Variants in LIPC observed in about 807,000 individuals in gnomAD.
The protein encoded by LIPC is lipase C, hepatic type.
Under a neutral mutation model 50.7 loss-of-function variants are expected in LIPC, and 44 were observed. The observed-to-expected ratio is 0.87, with a 90% CI of 0.68 to 1.11. LIPC has a LOEUF of 1.11. Among genes scored for constraint, LIPC ranks in the 50% most tolerant of loss-of-function variants. LIPC has a pLI of 0.00. For synonymous variants in LIPC, 271 were observed against 256.4 expected (o/e 1.06, Z -0.54); for missense variants, 697 against 648.2 (o/e 1.08, Z -0.82).
At chr15:58,510,500 A>C (rs1892295541) in intron 1 of LIPC, among the ~76,000 whole-genome samples, 2 of 152,256 alleles carry the variant, frequency 1.3e-5, no homozygotes, top group Non-Finnish European at 2.9e-5. Context: ...GTTTTCTTAC[A>C]AAGTAACAAA....
At chr15:58,495,455 G>C (rs1309587335) in intron 1 of LIPC, among the ~76,000 whole-genome samples, 2 of 152,092 alleles carry the variant, frequency 1.3e-5, no homozygotes, top group African/African-American at 4.8e-5. Context: ...CTAGGCATTG[G>C]GTGTGAAACC....
rs1566928258 is a variant in LIPC, at chr15:58,493,626, TAAA to T, written c.89-44705_89-44703del. On this transcript the variant is annotated intron_variant, in intron 1 of 8. Coordinates refer to ENST00000299022, the MANE Select transcript of LIPC (RefSeq NM_000236.3). ...TTATACAAAATTTATTACGTATAAA[TAAA>T]ATTTATACAAAATTTATTACGTATA... Among the ~76,000 whole-genome samples, 3 of 145,636 alleles carry T rather than the reference TAAA, an allele frequency of 2.1e-5. 1 individual carries two copies. Among genetic ancestry groups the T allele is most frequent in the Non-Finnish European group, 4.5e-5 (3 of 65,942 alleles).
At chr15:58,507,336 G>T (rs1437326419) in intron 1 of LIPC, among the ~76,000 whole-genome samples, 1 of 151,828 alleles carries the variant, frequency 6.6e-6, no homozygotes, top group Non-Finnish European at 1.5e-5. Flanking sequence ...GGGAGAGGAG[G>T]AGGGAAGGAA....
At chr15:58,543,607 T>C (rs1459372034) in intron 4 of LIPC, among the ~76,000 whole-genome samples, 1 of 152,110 alleles carries the variant, frequency 6.6e-6, no homozygotes, top group Non-Finnish European at 1.5e-5. Flanking sequence ...ATAACAAAGT[T>C]GTTGCGAATT....
chr15:58,476,693 ACT>A (rs1891010928), intron 1 of LIPC, among the ~76,000 whole-genome samples: 1 of 151,982 alleles, frequency 6.6e-6, no homozygotes, highest in Non-Finnish European at 1.5e-5. Flanking sequence ...AGAAGCCCTG[ACT>A]CTGCCAGGTG....
At chr15:58,567,583 C>T (rs541073688) in intron 8 of LIPC, among the ~76,000 whole-genome samples, 1 of 151,770 alleles carries the variant, frequency 6.6e-6, no homozygotes, top group South Asian at 2.1e-4. Flanking sequence ...AAATACTATA[C>T]ATAATAAGTA....
intron 1 of LIPC, among the ~76,000 whole-genome samples, chr15:58,437,442 G>A (rs1315749913): frequency 5.9e-5 from 9 of 152,114 alleles, no homozygotes; most frequent in Admixed American, 2.6e-4. Context: ...TGAAAACACT[G>A]TAGACACATG....
At chr15:58,489,375 CGCAGAA>C (rs1160637549) in intron 1 of LIPC, among the ~76,000 whole-genome samples, 1 of 152,096 alleles carries the variant, frequency 6.6e-6, no homozygotes. Context: ...AAGCCAGCTA[CGCAGAA>C]GACAGTTATT....
intron 1 of LIPC, chr15:58,522,463 A>T (rs1257159184): frequency 6.6e-6 from 1 of 152,408 alleles, no homozygotes; most frequent in Non-Finnish European, 1.5e-5. Flanking sequence ...ATCCAGACAC[A>T]CTGGAGCCTT....
chr15:58,453,733 T>C (rs1479887396), intron 1 of LIPC, among the ~76,000 whole-genome samples: 1 of 151,644 alleles, frequency 6.6e-6, no homozygotes, highest in Non-Finnish European at 1.5e-5. Flanking sequence ...AAATCCCAAC[T>C]ACTAAAAGTA....
At chr15:58,543,133 A>T (rs1893395324) in intron 4 of LIPC, among the ~76,000 whole-genome samples, 1 of 152,038 alleles carries the variant, frequency 6.6e-6, no homozygotes, top group Non-Finnish European at 1.5e-5. Flanking sequence ...CTTCACCCCA[A>T]ACTCCATACA....
At position 58,472,563 on chromosome 15, in the gene LIPC, G is replaced by A. The variant is rs866714124; in HGVS notation, c.88+40443G>A. On this transcript the variant is annotated intron_variant, in intron 1 of 8. Transcript: ENST00000299022. ...TGCACTCCAGCCTGGGCAAGAGAGT[G>A]AGACTCTTGTCTCAAAAAAAAAAAA... Among the ~76,000 whole-genome samples, 12 of 133,126 alleles carry A rather than the reference G, an allele frequency of 9.0e-5. No individual in the cohort carries two copies. The South Asian group carries it at 3.0e-3, about 33-fold the overall frequency. The allele number at this position is 133,126 out of a possible 152,430, so 87.3% of individuals were successfully genotyped here.
intron 1 of LIPC, among the ~76,000 whole-genome samples, chr15:58,488,696 T>G (rs1891462561): frequency 6.6e-6 from 1 of 151,952 alleles, no homozygotes; most frequent in East Asian, 1.9e-4. Flanking sequence ...AGTTTAGGAG[T>G]GAAGAAATCC....
chr15:58,491,691 G>A (rs1259441270), intron 1 of LIPC, among the ~76,000 whole-genome samples: 1 of 152,200 alleles, frequency 6.6e-6, no homozygotes, highest in Non-Finnish European at 1.5e-5. Context: ...TTCAGTGTGT[G>A]GTAAAACTTC....
chr15:58,441,716 C>T lies in LIPC; in HGVS notation c.88+9596C>T, dbSNP rs577612219. ...GGAGTCCAATTCAATGATTCGGCAT[C>T]ATAATAATTTAATAGTTATCACTAA... On this transcript the variant is annotated intron_variant, in intron 1 of 8. Coordinates refer to ENST00000299022, the MANE Select transcript of LIPC (RefSeq NM_000236.3). Among the ~76,000 whole-genome samples, 390 of 152,246 alleles carry T rather than the reference C, an allele frequency of 2.6e-3. 5 individuals carry two copies. Among genetic ancestry groups the T allele is most frequent in the African/African-American group, 9.2e-3 (381 of 41,528 alleles).
In LIPC at chr15:58,560,937, A is replaced by G. The variant is rs781111894; in HGVS notation, c.1125A>G (p.Ser375=). The change falls in exon 7 of 9, where the codon TCA becomes TCG. Residue 375 remains serine, a synonymous_variant. Transcript: ENST00000299022. ...CAATACAAACAACTTTTACCATGTCACTACTCGGAACAAAAGAGAAAATGC... is the reference window on the plus strand; with the variant it reads ...CAATACAAACAACTTTTACCATGTCGCTACTCGGAACAAAAGAGAAAATGC... The part of the protein sequence containing the change: ...ETPIQTTFTM[S]LLGTKEKMQK... 1.3e-6 allele frequency: 2 copies of G among 1,573,098 alleles called. No homozygotes were observed. Among genetic ancestry groups the G allele is most frequent in the Admixed American group, 3.3e-5 (2 of 59,968 alleles).
chr15:58,548,835 A>C (rs1414577647), intron 6 of LIPC, among the ~76,000 whole-genome samples: 2 of 152,032 alleles, frequency 1.3e-5, no homozygotes, highest in African/African-American at 2.4e-5. Flanking sequence ...GTCCATTTTC[A>C]TGCTCCCCTA....
intron 1 of LIPC, among the ~76,000 whole-genome samples, chr15:58,518,282 A>C (rs1892543835): frequency 6.6e-6 from 1 of 152,112 alleles, no homozygotes; most frequent in South Asian, 2.1e-4. Context: ...GAGCAAACTT[A>C]CCCCTCAGTT....
At chr15:58,508,667 G>T (rs1437863797) in intron 1 of LIPC, among the ~76,000 whole-genome samples, 1 of 152,144 alleles carries the variant, frequency 6.6e-6, no homozygotes, top group Non-Finnish European at 1.5e-5. Context: ...TATGCTGGGG[G>T]CTGAGGGAGA....
Sources: allele counts gnomAD v4.1 joint callset (sites outside exome capture counted in the v4.1 genomes callset), GRCh38; gene constraint gnomAD v4.1.1; transcripts MANE v1.5; gene names NCBI Gene and HGNC (gene_info 2026-07-23, HGNC 2026-07-21).